The following USP50 variants were observed in gnomAD, a reference collection of about 807,000 sequenced individuals.
USP50 encodes ubiquitin carboxyl-terminal hydrolase 50.
In USP50, 37 loss-of-function variants were observed where a neutral mutation model predicts 39.2. The ratio of observed to expected loss-of-function variants is 0.94; its 90% confidence interval spans 0.73 to 1.24. The LOEUF is 1.24. Among genes scored for constraint, USP50 ranks in the 50% most tolerant of loss-of-function variants. The probability of loss-of-function intolerance (pLI) is 0.00; values close to 1 mark genes in which losing one functional copy is unlikely to be tolerated. For missense variants in USP50, 374 were observed against 398.2 expected, an observed-to-expected ratio of 0.94 and a Z score of 0.52; for synonymous variants, 139 against 144.5, an observed-to-expected ratio of 0.96 and a Z score of 0.27.
In USP50 at chr15:50,541,214, G is replaced by A; in HGVS notation, c.495C>T (p.Cys165=). 1 of 1,613,938 alleles carries A rather than the reference G, an allele frequency of 6.2e-7. No individual in the cohort carries two copies. Among genetic ancestry groups the A allele is most frequent in the South Asian group, 1.1e-5 (1 of 91,078 alleles). ...TCTCAGTGGTAATCCACTTCCTGCAGCATCTCTGAGTAGATCCTTTCTCAT... is the reference window on the plus strand; with the variant it reads ...TCTCAGTGGTAATCCACTTCCTGCAACATCTCTGAGTAGATCCTTTCTCAT... The part of the protein sequence containing the change: ...RSYEKGSTQR[C]CRKWITTETS... The change falls in exon 4 of 7, where the codon TGC becomes TGT. Residue 165 remains cysteine, a synonymous_variant. Coordinates refer to ENST00000532404, the MANE Select transcript of USP50 (RefSeq NM_203494.5).
chr15:50,507,738 A>T (rs1054917082), intron 6 of USP50: 1 of 152,052 alleles, frequency 6.6e-6, no homozygotes, highest in Non-Finnish European at 1.5e-5. Flanking sequence ...TGAGTATCTG[A>T]CTCCTGAAAT....
At chr15:50,513,805 AGTCATTGCT>A (rs2052771246) in intron 6 of USP50, 1 of 152,252 alleles carries the variant, frequency 6.6e-6, no homozygotes, top group Admixed American at 6.5e-5. Flanking sequence ...TGAAACTTCC[AGTCATTGCT>A]GGTGGGGGTA....
chr15:50,525,895 T>G (rs1003996037), intron 6 of USP50, among the ~76,000 whole-genome samples: 2 of 151,738 alleles, frequency 1.3e-5, no homozygotes, highest in African/African-American at 2.4e-5. Flanking sequence ...AAGAATAAGT[T>G]CAGTATGATA....
chr15:50,499,455 A>ATACTC (rs2052535634), downstream of USP50: 2 of 160,422 alleles, frequency 1.2e-5, no homozygotes, highest in African/African-American at 2.4e-5. Context: ...TATACTATGA[A>ATACTC]TACTCTAGAA....
At chr15:50,530,315 G>T (rs1247664647) in intron 5 of USP50, among the ~76,000 whole-genome samples, 3 of 151,182 alleles carry the variant, frequency 2.0e-5, no homozygotes, top group African/African-American at 4.9e-5. Flanking sequence ...TGGCAAGGTG[G>T]CTCACGCCTG....
At chr15:50,541,757 G>T (rs1238169224) in intron 3 of USP50, among the ~76,000 whole-genome samples, 1 of 152,114 alleles carries the variant, frequency 6.6e-6, no homozygotes, top group African/African-American at 2.4e-5. Context: ...AGCCTTGGGA[G>T]CTAGTTTTTT....
At chr15:50,526,970 T>C (rs1202154469) in intron 6 of USP50, among the ~76,000 whole-genome samples, 1 of 152,190 alleles carries the variant, frequency 6.6e-6, no homozygotes, top group African/African-American at 2.4e-5. Flanking sequence ...TAAGTGTTCG[T>C]AAAATAAATC....
rs953437071 is a variant in USP50 at position 50,533,012 on chromosome 15, A to T, written c.804-3083T>A. On this transcript the variant is annotated intron_variant, in intron 5 of 6. Transcript: ENST00000532404. ...CTTTTAAAACTGAAAAGAAGAAAGA[A>T]AAAAGACTGGCCGGTCAGGCGCAGT... 2.0e-5 allele frequency among the ~76,000 whole-genome samples: 3 copies of T among 152,262 alleles called. No individual in the cohort carries two copies. The South Asian group carries it at 6.2e-4, about 32-fold the overall frequency.
At chr15:50,505,398 T>C (rs561468758) in intron 6 of USP50, 2 of 152,292 alleles carry the variant, frequency 1.3e-5, no homozygotes, top group African/African-American at 2.4e-5. Context: ...GAAAAATAAC[T>C]GTCAATCTGG....
At chr15:50,525,630 A>G (rs1053345142) in intron 6 of USP50, among the ~76,000 whole-genome samples, 2,392 of 122,776 alleles carry the variant, frequency 0.019, 196 homozygotes, top group African/African-American at 0.048. Context: ...ATGTATATGT[A>G]TATATGTATA....
chr15:50,521,625 A>G (rs1209167331), intron 6 of USP50, among the ~76,000 whole-genome samples: 1 of 152,180 alleles, frequency 6.6e-6, no homozygotes, highest in Non-Finnish European at 1.5e-5. Flanking sequence ...AGATAAACAC[A>G]ATTGACAAAC....
chr15:50,504,656 T>G (rs2052633437), intron 6 of USP50: 2 of 151,018 alleles, frequency 1.3e-5, no homozygotes, highest in Non-Finnish European at 3.0e-5. Context: ...TACTGGAAAT[T>G]AACTTAATGA....
At chr15:50,541,761 G>GT (rs917763037) in intron 3 of USP50, among the ~76,000 whole-genome samples, 13 of 152,128 alleles carry the variant, frequency 8.5e-5, no homozygotes, top group African/African-American at 2.9e-4. Flanking sequence ...TTGGGAGCTA[G>GT]TTTTTTCTGG....
intron 1 of USP50, among the ~76,000 whole-genome samples, chr15:50,494,678 C>T (rs2052305989): frequency 6.6e-6 from 1 of 152,092 alleles, no homozygotes; most frequent in Non-Finnish European, 1.5e-5. Context: ...CAGTCCCTTG[C>T]TGAAAGTGGA....
chr15:50,503,898 C>T (rs1445505819), intron 6 of USP50: 1 of 151,888 alleles, frequency 6.6e-6, no homozygotes, highest in Non-Finnish European at 1.5e-5. Context: ...ATTTAAACCC[C>T]CAAGGACTTT....
At position 50,546,542 on chromosome 15, in the gene USP50, T is replaced by C. The variant is rs377764014; in HGVS notation, c.-17A>G. Reference sequence around the variant, plus strand: ...AGAAGTCATTTTAATGGAACCACGTTGGACTTTTGCTTCTATTCAGGAGCT... The same window carrying C: ...AGAAGTCATTTTAATGGAACCACGTCGGACTTTTGCTTCTATTCAGGAGCT... On this transcript the variant is annotated 5_prime_UTR_variant, in exon 1 of 7. Coordinates refer to ENST00000532404, the MANE Select transcript of USP50 (RefSeq NM_203494.5). 5.0e-6 allele frequency: 8 copies of C among 1,613,292 alleles called. No homozygotes were observed. The highest frequency in any genetic ancestry group is 6.8e-6 in the Non-Finnish European group (8 of 1,179,426).
At chr15:50,527,578 G>C (rs1011884864) in intron 6 of USP50, among the ~76,000 whole-genome samples, 1 of 151,936 alleles carries the variant, frequency 6.6e-6, no homozygotes, top group Non-Finnish European at 1.5e-5. Flanking sequence ...AAGTAGCAAA[G>C]CTCTAGATGG....
At chr15:50,494,148 T>C (rs749381216) in intron 1 of USP50, 1 of 1,613,070 alleles carries the variant, frequency 6.2e-7, no homozygotes, top group Admixed American at 1.7e-5. Flanking sequence ...CAGGACAGTA[T>C]AGATATATCA....
At chr15:50,511,848 A>T (rs2052742022) in intron 6 of USP50, 1 of 151,918 alleles carries the variant, frequency 6.6e-6, no homozygotes, top group South Asian at 2.1e-4. Flanking sequence ...ATACACAAAA[A>T]TTATTGGGGC....
Sources: allele counts gnomAD v4.1 joint callset (sites outside exome capture counted in the v4.1 genomes callset), GRCh38; gene constraint gnomAD v4.1.1; transcripts MANE v1.5; gene names NCBI Gene and HGNC (gene_info 2026-07-23, HGNC 2026-07-21).